Variants in ASAP3 observed in about 807,000 individuals in gnomAD.
ASAP3 encodes the protein ArfGAP with SH3 domain, ankyrin repeat and PH domain 3.
In ASAP3, 85 loss-of-function variants were observed where a neutral mutation model predicts 118.2. The ratio of observed to expected loss-of-function variants is 0.72; its 90% CI spans 0.60 to 0.86. ASAP3 has a LOEUF of 0.86. Among genes scored for constraint, ASAP3 ranks in the 40% least tolerant of loss-of-function variants. ASAP3 has a pLI of 0.00. For missense variants in ASAP3, 1,026 were observed against 1,175.0 expected, an observed-to-expected ratio of 0.87 and a Z score of 1.85; for synonymous variants, 432 against 477.4, an observed-to-expected ratio of 0.90 and a Z score of 1.24.
intron 22 of ASAP3, among the ~76,000 whole-genome samples, chr1:23,432,197 G>C (rs141645644): frequency 1.0e-3 from 159 of 152,008 alleles, no homozygotes; most frequent in African/African-American, 3.8e-3. Context: ...AGTAGAGATG[G>C]GGTTTCACCA....
In ASAP3 at chr1:23,435,865, C is replaced by G. The variant is rs889574490; in HGVS notation, c.1735G>C (p.Gly579Arg). ...GGGGTTCTCACCTGTGCATCAGGCC[C>G]TGGCAGCGGCTGTCCAAAGTCCTGC... ...NGQDFGQPLP[G>R]PDAQAPEELV... Residue 579 changes from glycine to arginine, a missense_variant, in exon 17 of 25, where the codon GGG becomes CGG. Physicochemically the swap from Gly to Arg is moderately radical, Grantham distance 125. Coordinates refer to ENST00000336689, the MANE Select transcript of ASAP3 (RefSeq NM_017707.4). The G allele has an allele frequency of 3.7e-6, 6 of 1,614,262 alleles. No individual in the cohort carries two copies. Among genetic ancestry groups the G allele is most frequent in the Non-Finnish European group, 5.1e-6 (6 of 1,180,054 alleles).
rs968833477 is a variant in ASAP3 at position 23,436,798 on chromosome 1, T to G, written c.1476+113A>C. Reference sequence around the variant, plus strand: ...GCCCCTGACCACCCGCTACCTGGCTTGTCCCAGCCCACCTCGGCCAGGTCC... The same window carrying G: ...GCCCCTGACCACCCGCTACCTGGCTGGTCCCAGCCCACCTCGGCCAGGTCC... On this transcript the variant is annotated intron_variant, in intron 15 of 24. Coordinates refer to ENST00000336689, the MANE Select transcript of ASAP3 (RefSeq NM_017707.4). This position sits in a 1 kb window ranked among gnomAD's most constrained non-coding sequence, Gnocchi z 4.2. The G allele has an allele frequency of 4.5e-6, 7 of 1,543,854 alleles. No individual in the cohort carries two copies. Among genetic ancestry groups the G allele is most frequent in the Non-Finnish European group, 6.1e-6 (7 of 1,142,466 alleles).
intron 1 of ASAP3, among the ~76,000 whole-genome samples, chr1:23,466,732 G>A (rs977971602): frequency 6.6e-5 from 10 of 152,186 alleles, no homozygotes; most frequent in African/African-American, 2.4e-4. Context: ...TCAAGCCAAG[G>A]GGGCAGAGCT....
In ASAP3 at chr1:23,442,549, G is replaced by A. The variant is rs1481927469; in HGVS notation, c.537C>T (p.Ala179=). The A allele has an allele frequency of 6.2e-7, 1 of 1,613,916 alleles. No homozygotes were observed. Among genetic ancestry groups the A allele is most frequent in the Non-Finnish European group, 8.5e-7 (1 of 1,180,014 alleles). The change falls in exon 6 of 25, where the codon GCC becomes GCT. Residue 179 remains alanine (A), a synonymous_variant. Transcript: ENST00000336689. ...TGCGCCGCTCTCTCTGCATGTCCTG[G>A]GCCACCTCCCCAGGGATCCCTCCTG... is the stretch of plus-strand genomic sequence containing the variant. ...RVTGGIPGEV[A]QDMQRERRIF...
intron 21 of ASAP3, 58 bp from the exon 22 acceptor site, chr1:23,433,330 C>A (rs1024152509): frequency 2.5e-5 from 41 of 1,608,654 alleles, no homozygotes; most frequent in Admixed American, 8.4e-5. Context: ...GTAGCCCTGT[C>A]CCCCCGCCTC....
intron 1 of ASAP3, among the ~76,000 whole-genome samples, chr1:23,464,506 A>G (rs983595837): frequency 6.6e-6 from 1 of 151,666 alleles, no homozygotes; most frequent in African/African-American, 2.4e-5. Flanking sequence ...AATTTTTTAA[A>G]AAAGTTAGCC....
chr1:23,455,860 AG>A lies in ASAP3; in HGVS notation c.348+20del. 3 of 1,613,732 alleles carry A rather than the reference AG, an allele frequency of 1.9e-6. No individual in the cohort carries two copies. The highest frequency in any genetic ancestry group is 2.5e-6 in the Non-Finnish European group (3 of 1,179,872). ...ACTAGATTTACCCTGAGTCTGGGCA[AG>A]GAAGAGACAGGGGCCTCACCAGGTT... On this transcript the variant is annotated intron_variant, in intron 3 of 24. Coordinates refer to ENST00000336689, the MANE Select transcript of ASAP3 (RefSeq NM_017707.4).
At chr1:23,467,055 G>A (rs565436669) in intron 1 of ASAP3, among the ~76,000 whole-genome samples, 1 of 151,788 alleles carries the variant, frequency 6.6e-6, no homozygotes, top group Admixed American at 6.6e-5. Flanking sequence ...TAGAGACAGG[G>A]GTTTCACCAT....
At chr1:23,482,720 G>A (rs4649092) in intron 1 of ASAP3, among the ~76,000 whole-genome samples, 5,223 of 152,060 alleles carry the variant, frequency 0.034, 312 homozygotes, top group South Asian at 0.23. Context: ...AGGCCGAGAC[G>A]GGCGGATCAT....
intron 1 of ASAP3, among the ~76,000 whole-genome samples, chr1:23,474,044 T>G (rs1466214704): frequency 7.7e-6 from 1 of 129,738 alleles, no homozygotes; most frequent in Non-Finnish European, 1.6e-5. Flanking sequence ...CTCGGCTCAC[T>G]GAAACATCCA....
intron 1 of ASAP3, among the ~76,000 whole-genome samples, chr1:23,483,532 TC>T: frequency 6.6e-6 from 1 of 151,468 alleles, no homozygotes; most frequent in Non-Finnish European, 1.5e-5. Context: ...CCGCATTCAT[TC>T]CACAAACGCG....
rs1403169463 is a variant in ASAP3 at position 23,436,595 on chromosome 1, T to TGAG, written c.1533_1535dup (p.Ser512dup). 1 of 1,614,188 alleles carries TGAG rather than the reference T, an allele frequency of 6.2e-7. No homozygotes were observed. Among genetic ancestry groups the TGAG allele is most frequent in the Non-Finnish European group, 8.5e-7 (1 of 1,180,022 alleles). ...CAGCTGAGGGTTTAGGGCCGCCGTGTGAGGGTAGCTGGGCCTCCATGACCT... is the reference window on the plus strand; with the variant it reads ...CAGCTGAGGGTTTAGGGCCGCCGTGTGAGGAGGGTAGCTGGGCCTCCATGACCT... On this transcript the variant is annotated inframe_insertion, in exon 16 of 25. Transcript: ENST00000336689. The surrounding 1 kb of genome is among the most constrained non-coding windows in gnomAD (Gnocchi z 4.2).
chr1:23,447,523 C>T (rs61778877), intron 5 of ASAP3, among the ~76,000 whole-genome samples: 14,897 of 152,168 alleles, frequency 0.098, 855 homozygotes, highest in Non-Finnish European at 0.13. Context: ...GGTCTCGGAA[C>T]GTATCCCCCA....
In ASAP3 at chr1:23,438,879, C is replaced by T. The variant is rs1385369254; in HGVS notation, c.1015-45G>A. ...GAGGATGTATGCATTACCTCTGGCC[C>T]TCCACATTCTTTAGGCCTCCATTTC... On this transcript the variant is annotated intron_variant, in intron 11 of 24. Transcript: ENST00000336689. This position sits in a 1 kb window ranked among gnomAD's most constrained non-coding sequence, Gnocchi z 4.9. 1 of 1,581,522 alleles carries T rather than the reference C, an allele frequency of 6.3e-7. No individual in the cohort carries two copies.
At chr1:23,477,376 C>CA (rs11367585) in intron 1 of ASAP3, among the ~76,000 whole-genome samples, 35,063 of 64,760 alleles carry the variant, frequency 0.54, 10,243 homozygotes, top group Non-Finnish European at 0.66. Flanking sequence ...GACTCCATCT[C>CA]AAAAAAAAAA....
rs1031845628 is a variant in ASAP3 at position 23,437,224 on chromosome 1, G to A, written c.1248C>T (p.Gly416=). 1 of 1,597,052 alleles carries A rather than the reference G, an allele frequency of 6.3e-7. No individual in the cohort carries two copies. Among genetic ancestry groups the A allele is most frequent in the African/African-American group, 1.3e-5 (1 of 74,808 alleles). ...SAGPGSWGSA[G]HDGEPHDLTK... is the part of the protein sequence containing the mutation. ...TGAGGTCGTGCGGCTCCCCATCATG[G>A]CCGGCGGACCCCCAGGACCCCGGGC... The change falls in exon 14 of 25, where the codon GGC becomes GGT. Residue 416 remains glycine (G), a synonymous_variant. Transcript: ENST00000336689. This position sits in a 1 kb window ranked among gnomAD's most constrained non-coding sequence, Gnocchi z 6.1.
At chr1:23,453,972 GGA>G (rs1476505203) in intron 3 of ASAP3, among the ~76,000 whole-genome samples, 2 of 152,046 alleles carry the variant, frequency 1.3e-5, no homozygotes, top group Admixed American at 1.3e-4. Context: ...ACTGAAACAG[GGA>G]GAGAAGAGGT....
chr1:23,478,033 C>T (rs983632704), intron 1 of ASAP3, among the ~76,000 whole-genome samples: 2 of 151,988 alleles, frequency 1.3e-5, no homozygotes, highest in African/African-American at 4.8e-5. Flanking sequence ...GCTGGCAGGG[C>T]CAACCCCATC....
At chr1:23,455,310 C>T (rs1351717602) in intron 3 of ASAP3, among the ~76,000 whole-genome samples, 1 of 152,144 alleles carries the variant, frequency 6.6e-6, no homozygotes, top group East Asian at 1.9e-4. Flanking sequence ...CACAGGGTGG[C>T]CTTGAGGAAA....
Sources: allele counts gnomAD v4.1 joint callset (sites outside exome capture counted in the v4.1 genomes callset), GRCh38; gene constraint gnomAD v4.1.1; non-coding constraint Gnocchi (gnomAD v3.1); transcripts MANE v1.5; gene names NCBI Gene and HGNC (gene_info 2026-07-23, HGNC 2026-07-21).